The following FAM163A variants were observed in gnomAD, a reference collection of about 807,000 sequenced individuals.
FAM163A encodes the protein family with sequence similarity 163 member A.
In FAM163A, 7 loss-of-function variants were observed where a neutral mutation model predicts 12.0. The ratio of observed to expected loss-of-function variants is 0.58; its 90% CI spans 0.33 to 1.10. The LOEUF is 1.10. Among genes scored for constraint, FAM163A ranks in the 50% least tolerant of loss-of-function variants. FAM163A has a pLI of 0.03. For missense variants in FAM163A, 202 were observed against 218.6 expected (o/e 0.92, Z 0.48); for synonymous variants, 101 against 91.0 (o/e 1.11, Z -0.62).
chr1:179,747,744 A>G (rs1456816017), intron 1 of FAM163A, among the ~76,000 whole-genome samples: 2 of 152,208 alleles, frequency 1.3e-5, no homozygotes, highest in East Asian at 3.8e-4. Flanking sequence ...TTTGGGTTAT[A>G]ACAGTATGTG....
intron 1 of FAM163A, among the ~76,000 whole-genome samples, chr1:179,747,255 C>G (rs540268173): frequency 7.2e-5 from 11 of 152,184 alleles, no homozygotes; most frequent in African/African-American, 2.4e-4. Flanking sequence ...GCAGTTGTCA[C>G]TGCATCAATC....
chr1:179,766,714 C>G (rs1485688386), intron 1 of FAM163A, among the ~76,000 whole-genome samples: 1 of 151,998 alleles, frequency 6.6e-6, no homozygotes, highest in Admixed American at 6.6e-5. Flanking sequence ...AATGGCCCCT[C>G]ACATTTGAGA....
At chr1:179,790,218 C>CTTT (rs1168192716) in intron 1 of FAM163A, among the ~76,000 whole-genome samples, 185 of 91,606 alleles carry the variant, frequency 2.0e-3, no homozygotes, top group Non-Finnish European at 2.9e-3. Flanking sequence ...AGCTGACTTC[C>CTTT]TTTTTTTTTT....
In FAM163A at chr1:179,763,370, C is replaced by G. The variant is rs559714540; in HGVS notation, c.-136+19947C>G. ...CAAAATCATCCTTATGCCAAAGAGG[C>G]ATATTTTGGCATGGCACGTTCTGGT... On this transcript the variant is annotated intron_variant, in intron 1 of 4. Transcript: ENST00000341785. Among the ~76,000 whole-genome samples the G allele has an allele frequency of 8.5e-5, 13 of 152,302 alleles. No individual in the cohort carries two copies. In the East Asian group the frequency reaches 2.5e-3, roughly 29 times the overall value.
At chr1:179,792,643 A>G (rs1292414116) in intron 1 of FAM163A, among the ~76,000 whole-genome samples, 1 of 152,160 alleles carries the variant, frequency 6.6e-6, no homozygotes, top group Non-Finnish European at 1.5e-5. Context: ...TACCTTAGAC[A>G]AATCACCTCT....
intron 1 of FAM163A, among the ~76,000 whole-genome samples, chr1:179,774,202 G>T (rs942933272): frequency 3.1e-4 from 47 of 152,298 alleles, no homozygotes; most frequent in Middle Eastern, 3.4e-3. Flanking sequence ...CCAGAACTCT[G>T]CCTGAGGCTT....
the FAM163A span, among the ~76,000 whole-genome samples, chr1:179,733,743 G>A: frequency 1.3e-5 from 2 of 151,988 alleles, no homozygotes; most frequent in African/African-American, 4.8e-5. Context: ...CCCTCCACCT[G>A]GTCCCACACA....
chr1:179,783,725 T>A (rs2318394), intron 1 of FAM163A, among the ~76,000 whole-genome samples: 6,674 of 80,108 alleles, frequency 0.083, 471 homozygotes, highest in African/African-American at 0.31. Flanking sequence ...CTTCCCAAAT[T>A]TTATATAATT....
At chr1:179,729,000 G>T in the FAM163A span, among the ~76,000 whole-genome samples, 10 of 152,036 alleles carry the variant, frequency 6.6e-5, no homozygotes. Context: ...ATTAGCTATT[G>T]GTCTGGAAAG....
chr1:179,751,645 A>C (rs1201846449), intron 1 of FAM163A, among the ~76,000 whole-genome samples: 1 of 152,192 alleles, frequency 6.6e-6, no homozygotes, highest in Non-Finnish European at 1.5e-5. Flanking sequence ...TTAATGACAG[A>C]ATTGAGGACC....
At chr1:179,741,035 T>C (rs185194393), upstream of FAM163A, among the ~76,000 whole-genome samples, 1 of 152,278 alleles carries the variant, frequency 6.6e-6, no homozygotes, top group Non-Finnish European at 1.5e-5. Flanking sequence ...ATACTTGCAG[T>C]CTCTAACTGA....
chr1:179,813,252 T>C lies in FAM163A; in HGVS notation c.93+62T>C. Reference sequence around the variant, plus strand: ...CCACCAGCAAACCTCTTTTTCATTATGGGGGCAGAAACTGGAGGCCGACTT... The same window carrying C: ...CCACCAGCAAACCTCTTTTTCATTACGGGGGCAGAAACTGGAGGCCGACTT... On this transcript the variant is annotated intron_variant, in intron 4 of 4. Transcript: ENST00000341785. The C allele has an allele frequency of 2.0e-6, 3 of 1,476,038 alleles. No homozygotes were observed. The South Asian group carries it at 3.6e-5, about 18-fold the overall frequency. 91.4% of individuals were successfully genotyped at this position (1,476,038 alleles called of 1,614,324 possible).
At chr1:179,770,237 T>C (rs555158871) in intron 1 of FAM163A, among the ~76,000 whole-genome samples, 10 of 152,228 alleles carry the variant, frequency 6.6e-5, no homozygotes, top group African/African-American at 2.4e-4. Context: ...TTTTTCTATA[T>C]CCAACCAATG....
At chr1:179,745,178 G>A (rs1684293676) in intron 1 of FAM163A, among the ~76,000 whole-genome samples, 1 of 152,146 alleles carries the variant, frequency 6.6e-6, no homozygotes. Flanking sequence ...TGTGGCTCTC[G>A]GAGGGTCCTG....
At chr1:179,776,556 A>G (rs1689010662) in intron 1 of FAM163A, among the ~76,000 whole-genome samples, 1 of 151,636 alleles carries the variant, frequency 6.6e-6, no homozygotes, top group Admixed American at 6.6e-5. Flanking sequence ...ACTTATGGCC[A>G]CTTATCCCCT....
intron 1 of FAM163A, among the ~76,000 whole-genome samples, chr1:179,791,372 G>A (rs762238821): frequency 1.3e-5 from 2 of 152,098 alleles, no homozygotes; most frequent in South Asian, 4.1e-4. Context: ...TGCTTCCCGG[G>A]CCCATGCAGG....
At chr1:179,771,314 G>T (rs1433136934) in intron 1 of FAM163A, among the ~76,000 whole-genome samples, 1 of 152,150 alleles carries the variant, frequency 6.6e-6, no homozygotes, top group African/African-American at 2.4e-5. Flanking sequence ...CAGCACTGGG[G>T]TCTGTCCCGC....
intron 1 of FAM163A, among the ~76,000 whole-genome samples, chr1:179,757,538 G>T (rs951247386): frequency 3.9e-5 from 6 of 152,208 alleles, no homozygotes; most frequent in Non-Finnish European, 7.3e-5. Context: ...TTGGCTGGGT[G>T]CAGTGGCTCA....
chr1:179,728,786 A>G, the FAM163A span, among the ~76,000 whole-genome samples: 1 of 152,206 alleles, frequency 6.6e-6, no homozygotes, highest in Non-Finnish European at 1.5e-5. Context: ...ATCTACAATC[A>G]AGGTAAACTA....
Sources: allele counts gnomAD v4.1 joint callset (sites outside exome capture counted in the v4.1 genomes callset), GRCh38; gene constraint gnomAD v4.1.1; transcripts MANE v1.5; gene names NCBI Gene and HGNC (gene_info 2026-07-23, HGNC 2026-07-21).